JADE3: variants seen among roughly 807,000 people sequenced by gnomAD.
JADE3 encodes protein Jade-3.
JADE3 carries 2 observed loss-of-function variants against 50.1 expected under a neutral mutation model. The observed-to-expected ratio is 0.04, with a 90% CI of 0.02 to 0.13. JADE3 has a LOEUF of 0.13. JADE3 is among the 10% of genes least tolerant of loss of function. JADE3 has a pLI of 1.00. For missense variants in JADE3, 475 were observed against 634.4 expected (o/e 0.75, Z 2.70); for synonymous variants, 218 against 232.9 (o/e 0.94, Z 0.58).
chrX:46,919,869 T>G (rs926750816), intron 1 of JADE3, among the ~76,000 whole-genome samples: 1 of 111,089 alleles, frequency 9.0e-6, no homozygotes, highest in Admixed American at 9.7e-5. Context: ...CAATCAAAAT[T>G]TATAAACACA....
At position 47,033,808 on chromosome X, in the gene JADE3, C is replaced by T. The variant is rs782101887; in HGVS notation, c.855+20C>T. The T allele has an allele frequency of 6.5e-5, 74 of 1,132,989 alleles. No individual in the cohort carries two copies. The South Asian group carries it at 1.1e-3, about 16-fold the overall frequency. The allele number at this position is 1,132,989 out of a possible 1,213,427, so 93.4% of individuals were successfully genotyped here. ...CCAGAGGTAAGAATTCATCCAGGCC[C>T]GTGAGACCATTTGCTCCAGGGTGTC... On this transcript the variant is annotated intron_variant, in intron 7 of 10. Coordinates refer to ENST00000614628, the MANE Select transcript of JADE3 (RefSeq NM_014735.5).
At chrX:47,009,825 G>A (rs1216800606) in intron 4 of JADE3, among the ~76,000 whole-genome samples, 3 of 108,746 alleles carry the variant, frequency 2.8e-5, no homozygotes, top group Non-Finnish European at 1.9e-5. Flanking sequence ...GGATCTCCTT[G>A]TGTTGCCCAG....
intron 6 of JADE3, among the ~76,000 whole-genome samples, chrX:47,032,177 G>T (rs1369378538): frequency 8.9e-6 from 1 of 111,795 alleles, no homozygotes; most frequent in Non-Finnish European, 1.9e-5. Context: ...CTGTGTTTGG[G>T]TATAGTGGGG....
At chrX:47,033,864 G>A (rs1179095806) in intron 7 of JADE3, 76 bp downstream of exon 7, 1 of 869,234 alleles carries the variant, frequency 1.2e-6, no homozygotes, top group East Asian at 3.5e-5. Context: ...GACTGACTCA[G>A]GCTCAGTATG....
intron 4 of JADE3, among the ~76,000 whole-genome samples, chrX:47,014,135 T>G (rs1310608213): frequency 8.9e-6 from 1 of 112,390 alleles, no homozygotes; most frequent in African/African-American, 3.2e-5. Context: ...CATTGAAAGC[T>G]CTGCACTTGT....
intron 3 of JADE3, among the ~76,000 whole-genome samples, chrX:46,987,972 C>T (rs1556355026): frequency 8.9e-6 from 1 of 112,418 alleles, no homozygotes; most frequent in African/African-American, 3.2e-5. Flanking sequence ...CCATGTTCTG[C>T]TTTGCTGGCT....
At chrX:47,009,765 C>T (rs1163841298) in intron 4 of JADE3, among the ~76,000 whole-genome samples, 1 of 109,131 alleles carries the variant, frequency 9.2e-6, no homozygotes, top group Non-Finnish European at 1.9e-5. Context: ...GCTAGGACTA[C>T]AGGCGCACAC....
chrX:46,987,721 CGCT>C (rs1927892047), intron 3 of JADE3, among the ~76,000 whole-genome samples: 2 of 111,618 alleles, frequency 1.8e-5, no homozygotes, highest in Non-Finnish European at 3.8e-5. Context: ...AAAGAAACCT[CGCT>C]ACCTACCCTT....
At position 47,018,366 on chromosome X, in the gene JADE3, C is replaced by T. The variant is rs782277521; in HGVS notation, c.285-6358C>T. The stretch of plus-strand genomic sequence containing the variant: ...TTTTTTTTTTTGAGATGGAGTCTCG[C>T]TCTGTCACCCAGGCTGGAGTGCAGT... On this transcript the variant is annotated intron_variant, in intron 4 of 10. Coordinates refer to ENST00000614628, the MANE Select transcript of JADE3 (RefSeq NM_014735.5). 3.7e-5 allele frequency among the ~76,000 whole-genome samples: 4 copies of T among 109,238 alleles called. No individual in the cohort carries two copies. The East Asian group carries it at 1.2e-3, about 31-fold the overall frequency. 94.9% of individuals were successfully genotyped at this position (109,238 alleles called of 115,157 possible).
intron 1 of JADE3, among the ~76,000 whole-genome samples, chrX:46,978,015 G>T (rs1214261083): frequency 2.7e-5 from 3 of 111,602 alleles, no homozygotes; most frequent in Non-Finnish European, 5.6e-5. Context: ...TTTTGTGCAG[G>T]ATACTGTGCT....
At chrX:46,956,736 CTTTTTTCTT>C (rs1223096033) in intron 1 of JADE3, among the ~76,000 whole-genome samples, 6 of 109,354 alleles carry the variant, frequency 5.5e-5, no homozygotes, top group African/African-American at 2.0e-4. Flanking sequence ...TCCTTCCTTC[CTTTTTTCTT>C]TTTTTTCTTT....
intron 7 of JADE3, among the ~76,000 whole-genome samples, chrX:47,034,417 T>G (rs782570369): frequency 2.7e-4 from 30 of 110,864 alleles, no homozygotes; most frequent in African/African-American, 8.5e-4. Context: ...ACACTCCATG[T>G]TGTGGTGTAT....
At chrX:46,953,463 G>A (rs982292889) in intron 1 of JADE3, among the ~76,000 whole-genome samples, 38 of 111,367 alleles carry the variant, frequency 3.4e-4, no homozygotes, top group African/African-American at 1.2e-3. Flanking sequence ...TCTAATAGTT[G>A]CCCATATTTT....
At chrX:47,012,893 A>G (rs184237899) in intron 4 of JADE3, among the ~76,000 whole-genome samples, 1 of 111,357 alleles carries the variant, frequency 9.0e-6, no homozygotes, top group African/African-American at 3.3e-5. Context: ...TTTGAAAATG[A>G]TGAACACTGT....
In JADE3 at chrX:47,054,391, G is replaced by T. The variant is rs782113296; in HGVS notation, c.1206G>T (p.Glu402Asp). Reference sequence around the variant, plus strand: ...GCCTGCGGGCACAGAAGCTTCGGGAGCTGGAGGAGGAGTTCTATTCCTTGG... The same window carrying T: ...GCCTGCGGGCACAGAAGCTTCGGGATCTGGAGGAGGAGTTCTATTCCTTGG... ...KTSLRAQKLR[E>D]LEEEFYSLVR... The change falls in exon 9 of 11, where the codon GAG (glutamate) becomes GAT (aspartate). Residue 402 changes from glutamate to aspartate, a missense_variant. Transcript: ENST00000614628. 1 of 1,209,493 alleles carries T rather than the reference G, an allele frequency of 8.3e-7. No individual in the cohort carries two copies. Among genetic ancestry groups the T allele is most frequent in the Non-Finnish European group, 1.1e-6 (1 of 894,888 alleles).
At chrX:47,024,698 T>C (rs782186520) in intron 4 of JADE3, 26 bp from the exon 5 acceptor site, 2 of 1,034,261 alleles carry the variant, frequency 1.9e-6, no homozygotes, top group South Asian at 4.3e-5. Flanking sequence ...TTGATTGTTA[T>C]CATTGTCTTT....
chrX:46,945,798 A>G (rs1323145475), intron 1 of JADE3, among the ~76,000 whole-genome samples: 1 of 111,655 alleles, frequency 9.0e-6, no homozygotes, highest in East Asian at 2.8e-4. Context: ...TATTGCCACC[A>G]GATTCAGTTG....
chrX:46,948,154 T>C (rs782524234), intron 1 of JADE3, among the ~76,000 whole-genome samples: 26 of 112,212 alleles, frequency 2.3e-4, no homozygotes, highest in Non-Finnish European at 4.9e-4. Context: ...ATTCAAGTTG[T>C]GTACTGTCAG....
intron 1 of JADE3, among the ~76,000 whole-genome samples, chrX:46,923,393 C>CTGTTTTTTTT (rs1556338199): frequency 8.7e-5 from 1 of 11,525 alleles, no homozygotes; most frequent in Non-Finnish European, 2.0e-4. Context: ...CTCTCTCTCT[C>CTGTTTTTTTT]TTTTTTTTTT....
Sources: gnomAD v4.1 joint callset for allele counts (sites outside exome capture counted in the v4.1 genomes callset) on GRCh38, gnomAD v4.1.1 for gene constraint, MANE v1.5 for transcripts, NCBI Gene and HGNC (gene_info 2026-07-23, HGNC 2026-07-21) for gene names.